Variants in ST3GAL4 observed in about 807,000 individuals in gnomAD.
ST3GAL4 encodes ST3 beta-galactoside alpha-2,3-sialyltransferase 4, also known as CMP-N-acetylneuraminate-beta-galactosamide-alpha-2,3-sialyltransferase 4.
A neutral mutation model predicts 42.6 loss-of-function variants in ST3GAL4; 24 were observed. The ratio of observed to expected loss-of-function variants is 0.56; its 90% CI spans 0.41 to 0.79. ST3GAL4 has a LOEUF of 0.79. ST3GAL4 is among the 30% of genes least tolerant of loss of function. ST3GAL4 has a pLI of 0.00. For missense variants in ST3GAL4, 311 were observed against 430.8 expected (o/e 0.72, Z 2.46); for synonymous variants, 135 against 163.2 (o/e 0.83, Z 1.32).
Position 126,384,633 on chromosome 11 carries a change from T to G in ST3GAL4, c.-60-21463T>G, listed in dbSNP as rs1953144280. 1 of 975,704 alleles carries G rather than the reference T, an allele frequency of 1.0e-6. No individual in the cohort carries two copies. The allele number at this position is 975,704 out of a possible 1,614,324, so 60.4% of individuals were successfully genotyped here. On this transcript the variant is annotated intron_variant, in intron 1 of 10. Coordinates refer to ENST00000444328, the MANE Select transcript of ST3GAL4 (RefSeq NM_001254757.2). This position sits in a 1 kb window ranked among gnomAD's most constrained non-coding sequence, Gnocchi z 5.5. ...GAACTGGTCAGGGCCTGGCACCAAC[T>G]CCAGGATGTGCTACACCCAGACAGA...
intron 1 of ST3GAL4, among the ~76,000 whole-genome samples, chr11:126,401,384 A>G (rs1953983376): frequency 6.6e-6 from 1 of 151,964 alleles, no homozygotes; most frequent in South Asian, 2.1e-4. Flanking sequence ...CTTGGCCAAC[A>G]TGGTGAAACC....
intron 1 of ST3GAL4, among the ~76,000 whole-genome samples, chr11:126,382,742 C>G (rs980615533): frequency 5.3e-5 from 8 of 152,154 alleles, no homozygotes; most frequent in Non-Finnish European, 8.8e-5. Flanking sequence ...TGGGCCATAG[C>G]CCAGACCTGT....
chr11:126,364,000 C>T lies in ST3GAL4; in HGVS notation c.-61+8158C>T, dbSNP rs1319873206. Among the ~76,000 whole-genome samples, 1 of 152,244 alleles carries T rather than the reference C, an allele frequency of 6.6e-6. No homozygotes were observed. Among genetic ancestry groups the T allele is most frequent in the Non-Finnish European group, 1.5e-5 (1 of 68,042 alleles). ...CAGCTGGTCCCCTGCTGTGGTTCCA[C>T]ACAGTGGAGACTGATCCCTGACCAC... On this transcript the variant is annotated intron_variant, in intron 1 of 10. Coordinates refer to ENST00000444328, the MANE Select transcript of ST3GAL4 (RefSeq NM_001254757.2). This position sits in a 1 kb window ranked among gnomAD's most constrained non-coding sequence, Gnocchi z 4.6.
intron 1 of ST3GAL4, among the ~76,000 whole-genome samples, chr11:126,388,767 CTTTTT>C (rs10683946): frequency 2.3e-4 from 12 of 52,042 alleles, no homozygotes; most frequent in East Asian, 1.2e-3. Flanking sequence ...TTTTCAGTGT[CTTTTT>C]TTTTTTTTTT....
rs1448003790 is a variant in ST3GAL4, at chr11:126,393,587, CTAATT to C, written c.-60-12506_-60-12502del. 1.3e-5 allele frequency among the ~76,000 whole-genome samples: 2 copies of C among 152,146 alleles called. No homozygotes were observed. The highest frequency in any genetic ancestry group is 2.4e-5 in the African/African-American group (1 of 41,444). On this transcript the variant is annotated intron_variant, in intron 1 of 10. Transcript: ENST00000444328. The surrounding 1 kb of genome is among the most constrained non-coding windows in gnomAD (Gnocchi z 5.9). ...CCCCTCCACAGGCATCTCAGCCCTC[CTAATT>C]TAGCCTTTCTGAAGTGGAGCCTTGG...
At chr11:126,408,056 T>A in intron 6 of ST3GAL4, 43 bp from the exon 7 acceptor site, 2 of 1,600,368 alleles carry the variant, frequency 1.2e-6, no homozygotes, top group Non-Finnish European at 1.7e-6. Context: ...CGAGCCTGGG[T>A]TAGAGTGTGG....
chr11:126,369,361 C>A (rs1174906379), intron 1 of ST3GAL4, among the ~76,000 whole-genome samples: 1 of 152,074 alleles, frequency 6.6e-6, no homozygotes, highest in African/African-American at 2.4e-5. Flanking sequence ...GATTCTCATG[C>A]CTCAGCCTCC....
chr11:126,360,790 A>C (rs1271668449), intron 1 of ST3GAL4, among the ~76,000 whole-genome samples: 1 of 152,160 alleles, frequency 6.6e-6, no homozygotes. Flanking sequence ...AACAATAAGC[A>C]CTCAATAGAT....
intron 1 of ST3GAL4, among the ~76,000 whole-genome samples, chr11:126,390,240 T>G (rs961395576): frequency 6.6e-6 from 1 of 151,952 alleles, no homozygotes; most frequent in Non-Finnish European, 1.5e-5. Context: ...CCATATGGAT[T>G]GATTTCTTCA....
At chr11:126,389,104 G>T (rs1953369018) in intron 1 of ST3GAL4, among the ~76,000 whole-genome samples, 1 of 152,062 alleles carries the variant, frequency 6.6e-6, no homozygotes, top group African/African-American at 2.4e-5. Context: ...TGTTTCATTT[G>T]TCTTCTCTCT....
chr11:126,407,696 C>A lies in ST3GAL4; in HGVS notation c.341+62C>A, dbSNP rs1301677327. The A allele has an allele frequency of 3.0e-5, 44 of 1,447,262 alleles. 1 individual carries two copies. Among genetic ancestry groups the A allele is most frequent in the Middle Eastern group, 4.6e-4 (2 of 4,362 alleles). The allele number at this position is 1,447,262 out of a possible 1,614,324, so 89.7% of individuals were successfully genotyped here. The stretch of plus-strand genomic sequence containing the variant: ...TCCTATTTCCTGCCCCCTGCCCGCT[C>A]CCCCCACTCCCCACCCCCCCGCTCT... On this transcript the variant is annotated intron_variant, in intron 6 of 10. Transcript: ENST00000444328.
In ST3GAL4 at chr11:126,406,890, T is replaced by C. The variant is rs56850914; in HGVS notation, c.102-53T>C. The stretch of plus-strand genomic sequence containing the variant: ...GAGAAGGCTTAGGCTGCCTGGAACA[T>C]GGGTCCCTGGGTCTGACTGGGGCTT... On this transcript the variant is annotated intron_variant, in intron 3 of 10. Coordinates refer to ENST00000444328, the MANE Select transcript of ST3GAL4 (RefSeq NM_001254757.2). The surrounding 1 kb of genome is among the most constrained non-coding windows in gnomAD (Gnocchi z 5.4). 3.0e-4 allele frequency: 448 copies of C among 1,513,680 alleles called. No individual in the cohort carries two copies. The African/African-American group carries it at 5.1e-3, about 17-fold the overall frequency. The allele number at this position is 1,513,680 out of a possible 1,614,324, so 93.8% of individuals were successfully genotyped here.
At chr11:126,403,533 C>T (rs1208128235) in intron 1 of ST3GAL4, 1 of 759,476 alleles carries the variant, frequency 1.3e-6, no homozygotes, top group African/African-American at 1.9e-5. Context: ...GCCTGGGCCC[C>T]ACCCCTAACC....
rs77855629 is a variant in ST3GAL4 at position 126,393,825 on chromosome 11, G to A, written c.-60-12271G>A. On this transcript the variant is annotated intron_variant, in intron 1 of 10. Transcript: ENST00000444328. The surrounding 1 kb of genome is among the most constrained non-coding windows in gnomAD (Gnocchi z 5.9). ...TTTTAAAACATTTAAATTTAGCCAC[G>A]GTTTTAAAAAGTAAAAATAGGTGAA... Among the ~76,000 whole-genome samples the A allele has an allele frequency of 6.5e-3, 989 of 152,216 alleles. 12 individuals are homozygous for A. The highest frequency in any genetic ancestry group is 0.022 in the African/African-American group (925 of 41,538).
intron 1 of ST3GAL4, among the ~76,000 whole-genome samples, chr11:126,394,491 C>T (rs1953651313): frequency 6.6e-6 from 1 of 152,176 alleles, no homozygotes; most frequent in South Asian, 2.1e-4. Flanking sequence ...GTAGCCTGAT[C>T]TCAGCTCACT....
chr11:126,372,234 C>G (rs1322799512), intron 1 of ST3GAL4, among the ~76,000 whole-genome samples: 4 of 152,172 alleles, frequency 2.6e-5, no homozygotes, highest in Admixed American at 6.5e-5. Flanking sequence ...TCCCCTCAGT[C>G]CTTGGCAGCC....
chr11:126,403,785 T>C (rs1230608639), intron 1 of ST3GAL4, among the ~76,000 whole-genome samples: 1 of 152,158 alleles, frequency 6.6e-6, no homozygotes, highest in Non-Finnish European at 1.5e-5. Context: ...AAAGAGTAGT[T>C]CTAGCCATGC....
rs80143820 is a variant in ST3GAL4 at position 126,404,622 on chromosome 11, C to T, written c.-60-1474C>T. On this transcript the variant is annotated intron_variant, in intron 1 of 10. Transcript: ENST00000444328. ...GGCACGCCCCTTTCAGAAGAGCTGT[C>T]GGGGGAGTTACTAGGACAATACCTT... is the stretch of plus-strand genomic sequence containing the variant. Among the ~76,000 whole-genome samples the T allele has an allele frequency of 5.6e-3, 856 of 152,288 alleles. 7 individuals carry two copies. Among genetic ancestry groups the T allele is most frequent in the African/African-American group, 0.019 (779 of 41,556 alleles).
chr11:126,368,907 C>A (rs532511020), intron 1 of ST3GAL4, among the ~76,000 whole-genome samples: 1 of 152,086 alleles, frequency 6.6e-6, no homozygotes, highest in Admixed American at 6.5e-5. Context: ...AAATTAGGAA[C>A]GGTAACACAC....
Sources: allele counts gnomAD v4.1 joint callset (sites outside exome capture counted in the v4.1 genomes callset), GRCh38; gene constraint gnomAD v4.1.1; non-coding constraint Gnocchi (gnomAD v3.1); transcripts MANE v1.5; gene names NCBI Gene and HGNC (gene_info 2026-07-23, HGNC 2026-07-21).